The following CRTAP variants were observed in gnomAD, a reference collection of about 807,000 sequenced individuals.
CRTAP encodes cartilage associated protein.
CRTAP carries 33 observed loss-of-function variants against 42.7 expected under a neutral mutation model. That is an observed-to-expected ratio of 0.77 (90% CI 0.59 to 1.03). The LOEUF is 1.03. Ranked by LOEUF, CRTAP falls within the 50% of genes least tolerant of loss-of-function variation. The pLI is 0.00. For synonymous variants in CRTAP, 243 were observed against 217.7 expected (o/e 1.12, Z -1.02); for missense variants, 613 against 533.9 (o/e 1.15, Z -1.46).
At chr3:33,128,965 T>C (rs2030158670) in intron 3 of CRTAP, among the ~76,000 whole-genome samples, 1 of 152,216 alleles carries the variant, frequency 6.6e-6, no homozygotes, top group Admixed American at 6.5e-5. Context: ...TGCATGGGAA[T>C]TGTAGTCTTT....
intron 3 of CRTAP, among the ~76,000 whole-genome samples, chr3:33,129,090 T>A (rs2030163533): frequency 6.6e-6 from 1 of 152,218 alleles, no homozygotes; most frequent in African/African-American, 2.4e-5. Context: ...TACTTACAAG[T>A]TTGTTTGTTT....
intron 3 of CRTAP, among the ~76,000 whole-genome samples, chr3:33,126,979 C>T (rs1427064090): frequency 6.6e-6 from 1 of 152,094 alleles, no homozygotes; most frequent in African/African-American, 2.4e-5. Flanking sequence ...AGTGAAACAA[C>T]AGAGCAAAGG....
intron 2 of CRTAP, among the ~76,000 whole-genome samples, chr3:33,122,387 G>A (rs1559433366): frequency 1.3e-5 from 2 of 151,872 alleles, no homozygotes; most frequent in Non-Finnish European, 1.5e-5. Context: ...TTATTTCCAG[G>A]GCATGTGGCC....
intron 3 of CRTAP, among the ~76,000 whole-genome samples, chr3:33,129,002 CT>C (rs1310849270): frequency 6.6e-6 from 1 of 152,246 alleles, no homozygotes; most frequent in Non-Finnish European, 1.5e-5. Flanking sequence ...ACCTTACTCT[CT>C]TTCAAAGGCT....
At chr3:33,126,438 A>G (rs1234008516) in intron 3 of CRTAP, among the ~76,000 whole-genome samples, 1 of 151,826 alleles carries the variant, frequency 6.6e-6, no homozygotes, top group African/African-American at 2.4e-5. Flanking sequence ...TGTCTTCTGT[A>G]TTTCTTGTAA....
chr3:33,119,803 C>T (rs1701394057), intron 1 of CRTAP, among the ~76,000 whole-genome samples: 1 of 152,118 alleles, frequency 6.6e-6, no homozygotes, highest in African/African-American at 2.4e-5. Flanking sequence ...GGGGTGATAG[C>T]AGTGGGATAT....
intron 1 of CRTAP, among the ~76,000 whole-genome samples, chr3:33,116,071 T>C (rs567506573): frequency 1.3e-5 from 2 of 152,324 alleles, no homozygotes; most frequent in Non-Finnish European, 2.9e-5. Context: ...TTGGCAAATA[T>C]GTTCTGAACC....
intron 3 of CRTAP, among the ~76,000 whole-genome samples, chr3:33,127,830 T>A (rs2030125642): frequency 6.6e-6 from 1 of 151,984 alleles, no homozygotes. Flanking sequence ...CACTGCAACC[T>A]CTGTCTGCCG....
chr3:33,132,748 C>T, intron 5 of CRTAP, 48 bp downstream of exon 5: 1 of 1,606,766 alleles, frequency 6.2e-7, no homozygotes, highest in Non-Finnish European at 8.5e-7. Context: ...TTCTTGCCTT[C>T]TGGAGACTAC....
In CRTAP at chr3:33,114,179, C is replaced by T; in HGVS notation, c.102C>T (p.Arg34=). 6.3e-7 allele frequency: 1 copy of T among 1,592,468 alleles called. No homozygotes were observed. The highest frequency in any genetic ancestry group is 1.1e-5 in the South Asian group (1 of 89,528). ...GRAQYERYSF[R]SFPRDELMPL... is the part of the protein sequence containing the mutation. ...CCCAATACGAACGCTACAGCTTCCG[C>T]AGCTTCCCACGGGACGAGCTGATGC... Residue 34 remains arginine (R), a synonymous_variant, in exon 1 of 7, where the codon CGC becomes CGT. Coordinates refer to ENST00000320954, the MANE Select transcript of CRTAP (RefSeq NM_006371.5).
Position 33,147,056 on chromosome 3 carries a change from C to T in CRTAP, c.*4608C>T, listed in dbSNP as rs2030740709. On this transcript the variant is annotated 3_prime_UTR_variant, in exon 7 of 7. Transcript: ENST00000320954. ...CATCGCAGCTGTCTGAACTCTTGAT[C>T]ATCTGCCATCCCCCAAACAGTGACT... The T allele has an allele frequency of 6.5e-6, 1 of 152,698 alleles. No individual in the cohort carries two copies. Among genetic ancestry groups the T allele is most frequent in the Non-Finnish European group, 1.5e-5 (1 of 68,072 alleles). 9.5% of individuals were successfully genotyped at this position (152,698 alleles called of 1,614,324 possible).
chr3:33,130,617 C>G (rs1039745319), intron 4 of CRTAP, among the ~76,000 whole-genome samples: 1 of 148,828 alleles, frequency 6.7e-6, no homozygotes, highest in Non-Finnish European at 1.5e-5. Flanking sequence ...ACTGCAACCT[C>G]CGCCTCCCAG....
chr3:33,122,403 A>G (rs2029903424), intron 2 of CRTAP, among the ~76,000 whole-genome samples: 1 of 152,008 alleles, frequency 6.6e-6, no homozygotes, highest in Non-Finnish European at 1.5e-5. Context: ...TGGCCTGCCC[A>G]GGAGGTTTAA....
chr3:33,114,099 G>A lies in CRTAP; in HGVS notation c.22G>A (p.Ala8Thr), dbSNP rs1037477248. ...CGCGATGGAGCCGGGGCGCCGGGGGGCCGCGGCGCTGCTAGCGCTGCTGTG... is the reference window on the plus strand; with the variant it reads ...CGCGATGGAGCCGGGGCGCCGGGGGACCGCGGCGCTGCTAGCGCTGCTGTG... MEPGRRG[A>T]AALLALLCVA... is the part of the protein sequence containing the mutation. The change falls in exon 1 of 7, where the codon GCC becomes ACC. Residue 8 changes from alanine to threonine, a missense_variant. Physicochemically the swap from Ala to Thr is moderately conservative, Grantham distance 58. Coordinates refer to ENST00000320954, the MANE Select transcript of CRTAP (RefSeq NM_006371.5). 1.4e-6 allele frequency: 2 copies of A among 1,469,242 alleles called. No homozygotes were observed. Among genetic ancestry groups the A allele is most frequent in the Non-Finnish European group, 1.8e-6 (2 of 1,118,216 alleles). 91.0% of individuals were successfully genotyped at this position (1,469,242 alleles called of 1,614,324 possible).
Position 33,142,706 on chromosome 3 carries a change from G to A in CRTAP, c.*258G>A. On this transcript the variant is annotated 3_prime_UTR_variant, in exon 7 of 7. Coordinates refer to ENST00000320954, the MANE Select transcript of CRTAP (RefSeq NM_006371.5). ...GTCTCGCTCTCTTGCCCAGGCTGGA[G>A]TGCAATGGCACGTTCTCAGCTCACT... The A allele has an allele frequency of 2.2e-6, 1 of 453,110 alleles. No homozygotes were observed. Among genetic ancestry groups the A allele is most frequent in the South Asian group, 2.3e-5 (1 of 42,666 alleles). 28.1% of individuals were successfully genotyped at this position (453,110 alleles called of 1,614,324 possible).
Position 33,132,659 on chromosome 3 carries a change from G to A in CRTAP, c.1027G>A (p.Asp343Asn). The stretch of plus-strand genomic sequence containing the variant: ...CCTGGTGTATTACCAGTACCACAGG[G>A]ACACTTGGGGCCTCTCGGATGAGCA... Reference protein sequence around the residue: ...QNLVYYQYHRDTWGLSDEHFQ... With the variant: ...QNLVYYQYHRNTWGLSDEHFQ... The change falls in exon 5 of 7, where the codon GAC becomes AAC. Residue 343 changes from aspartate (D) to asparagine (N), a missense_variant. Physicochemically the swap from Asp to Asn is conservative, Grantham distance 23 (BLOSUM62 1). Transcript: ENST00000320954. 2 of 1,614,110 alleles carry A rather than the reference G, an allele frequency of 1.2e-6. No homozygotes were observed. The highest frequency in any genetic ancestry group is 1.7e-6 in the Non-Finnish European group (2 of 1,179,984).
rs376333603 is a variant in CRTAP at position 33,120,474 on chromosome 3, T to C, written c.602T>C (p.Leu201Pro). 6 of 1,611,860 alleles carry C rather than the reference T, an allele frequency of 3.7e-6. No homozygotes were observed. In the East Asian group the frequency reaches 6.7e-5, roughly 18 times the overall value. The change falls in exon 2 of 7, where the codon CTG (leucine) becomes CCG (proline). Residue 201 changes from leucine (L) to proline (P), a missense_variant. Coordinates refer to ENST00000320954, the MANE Select transcript of CRTAP (RefSeq NM_006371.5). ...LPGAEDYIKD[L>P]ETKSYESLFI... ...GGTGCCGAGGACTACATTAAAGACC[T>C]GGAAACCAAGTCATATGAAGTATGT...
chr3:33,124,040 A>G lies in CRTAP; in HGVS notation c.622-368A>G, dbSNP rs147274230. 3.1e-3 allele frequency among the ~76,000 whole-genome samples: 479 copies of G among 152,346 alleles called. 3 individuals carry two copies. The highest frequency in any genetic ancestry group is 0.011 in the African/African-American group (450 of 41,588). ...GTAACTGCCATCATAGTTACGACAT[A>G]GAATATTTTCATCACCCCTGAACAA... On this transcript the variant is annotated intron_variant, in intron 2 of 6. Transcript: ENST00000320954.
intron 2 of CRTAP, among the ~76,000 whole-genome samples, chr3:33,121,986 C>T (rs1156783761): frequency 1.3e-5 from 2 of 152,168 alleles, no homozygotes; most frequent in Non-Finnish European, 2.9e-5. Flanking sequence ...GCTTGCTTCC[C>T]CTCTGGCCCC....
Sources: allele counts gnomAD v4.1 joint callset (sites outside exome capture counted in the v4.1 genomes callset), GRCh38; gene constraint gnomAD v4.1.1; transcripts MANE v1.5; gene names NCBI Gene and HGNC (gene_info 2026-07-23, HGNC 2026-07-21).